The following ARHGEF10L variants were observed in gnomAD, a reference collection of about 807,000 sequenced individuals.
The protein encoded by ARHGEF10L is rho guanine nucleotide exchange factor 10-like protein.
ARHGEF10L carries 69 observed loss-of-function variants against 141.2 expected under a neutral mutation model. The observed-to-expected ratio is 0.49, with a 90% confidence interval of 0.40 to 0.60. The LOEUF is 0.60. Among genes scored for constraint, ARHGEF10L ranks in the 20% least tolerant of loss-of-function variants. ARHGEF10L has a pLI of 0.00. For synonymous variants in ARHGEF10L, 711 were observed against 718.5 expected, an observed-to-expected ratio of 0.99 and a Z score of 0.17; for missense variants, 1,482 against 1,734.3, an observed-to-expected ratio of 0.85 and a Z score of 2.58.
chr1:17,697,762 ATATC>A lies in ARHGEF10L; in HGVS notation c.*386_*389del, dbSNP rs761205769. ...TGCGAGTGTGTGGGCTGGTGTGTGA[ATATC>A]TATAAATAAGTATATATGGTGTATA... On this transcript the variant is annotated 3_prime_UTR_variant, in exon 29 of 29. Coordinates refer to ENST00000361221, the MANE Select transcript of ARHGEF10L (RefSeq NM_018125.4). The surrounding 1 kb of genome is among the most constrained non-coding windows in gnomAD (Gnocchi z 4.8). 1.8e-5 allele frequency: 8 copies of A among 442,160 alleles called. No individual in the cohort carries two copies. Among genetic ancestry groups the A allele is most frequent in the South Asian group, 1.1e-4 (7 of 61,676 alleles). The allele number at this position is 442,160 out of a possible 1,614,324, so 27.4% of individuals were successfully genotyped here. A position where few individuals can be genotyped will look rare whatever the true frequency, so the allele number is the denominator to read the frequency against.
chr1:17,577,766 G>A (rs2078283694), intron 1 of ARHGEF10L, among the ~76,000 whole-genome samples: 1 of 152,216 alleles, frequency 6.6e-6, no homozygotes, highest in Non-Finnish European at 1.5e-5. Context: ...TCCTAGTGTG[G>A]TCACCTTGTC....
At position 17,616,094 on chromosome 1, in the gene ARHGEF10L, A is replaced by G. The variant is rs568982657; in HGVS notation, c.727A>G (p.Met243Val). The change falls in exon 9 of 29, where the codon ATG becomes GTG. Residue 243 changes from methionine to valine, a missense_variant and splice_region_variant. Met to Val is a conservative substitution (Grantham distance 21). Transcript: ENST00000361221. The stretch of plus-strand genomic sequence containing the variant: ...GATGAGCCTCTCTACCTTTGCTCAG[A>G]TGACCCAGCTCATGAAGGCCGCCAA... Reference protein sequence around the residue: ...QELKHKYDCKMTQLMKAAKSG... With the variant: ...QELKHKYDCKVTQLMKAAKSG... The G allele has an allele frequency of 3.1e-6, 5 of 1,613,498 alleles. No individual in the cohort carries two copies. In the African/African-American group the frequency reaches 6.7e-5, roughly 22 times the overall value.
chr1:17,632,535 T>A, intron 16 of ARHGEF10L, 69 bp downstream of exon 16: 1 of 1,599,522 alleles, frequency 6.3e-7, no homozygotes, highest in Non-Finnish European at 8.5e-7. Context: ...TACTCCAGTC[T>A]CTTGGCCGGC....
chr1:17,680,055 T>C (rs12742948), intron 26 of ARHGEF10L, among the ~76,000 whole-genome samples: 34,740 of 151,874 alleles, frequency 0.23, 4,694 homozygotes, highest in African/African-American at 0.37. Context: ...AGGTGCACGC[T>C]TCTGCCCCGC....
In ARHGEF10L at chr1:17,691,222, T is replaced by G. The variant is rs372599411; in HGVS notation, c.3184+3475T>G. On this transcript the variant is annotated intron_variant, in intron 27 of 28. Coordinates refer to ENST00000361221, the MANE Select transcript of ARHGEF10L (RefSeq NM_018125.4). ...GTTGAACACTGCCGCATTAAGTCTC[T>G]GTGATAAAATATTTATTCACCATTA... 1.1e-4 allele frequency: 44 copies of G among 411,688 alleles called. No homozygotes were observed. The East Asian group carries it at 2.7e-3, about 26-fold the overall frequency. The allele number at this position is 411,688 out of a possible 1,614,324, so 25.5% of individuals were successfully genotyped here. A position where few individuals can be genotyped will look rare whatever the true frequency, so the allele number is the denominator to read the frequency against.
chr1:17,697,173 C>T lies in ARHGEF10L; in HGVS notation c.3633C>T (p.Tyr1211=), dbSNP rs1184882713. 1.9e-6 allele frequency: 3 copies of T among 1,612,000 alleles called. No individual in the cohort carries two copies. Among genetic ancestry groups the T allele is most frequent in the Admixed American group, 1.7e-5 (1 of 59,990 alleles). ...ACAGCGAGGAGGACGGCTCCATTTA[C>T]GAGATGGCCGACGACCCCGACATCT... ...LEHSEEDGSI[Y]EMADDPDIWV... Residue 1211 remains tyrosine, a synonymous_variant, in exon 29 of 29, where the codon TAC becomes TAT. Coordinates refer to ENST00000361221, the MANE Select transcript of ARHGEF10L (RefSeq NM_018125.4). The surrounding 1 kb of genome is among the most constrained non-coding windows in gnomAD (Gnocchi z 4.8).
chr1:17,669,111 G>T (rs1015340977), intron 26 of ARHGEF10L, among the ~76,000 whole-genome samples: 1 of 152,210 alleles, frequency 6.6e-6, no homozygotes, highest in Non-Finnish European at 1.5e-5. Flanking sequence ...CAGAGGAAGG[G>T]CATTCCTTGC....
Position 17,639,643 on chromosome 1 carries a change from C to A in ARHGEF10L, c.2172-559C>A. 1 of 380,838 alleles carries A rather than the reference C, an allele frequency of 2.6e-6. No homozygotes were observed. Among genetic ancestry groups the A allele is most frequent in the Non-Finnish European group, 5.2e-6 (1 of 192,074 alleles). The allele number at this position is 380,838 out of a possible 1,614,324, so 23.6% of individuals were successfully genotyped here. On this transcript the variant is annotated intron_variant, in intron 20 of 28. Coordinates refer to ENST00000361221, the MANE Select transcript of ARHGEF10L (RefSeq NM_018125.4). The surrounding 1 kb of genome is among the most constrained non-coding windows in gnomAD (Gnocchi z 4.3). ...CCCACCTCCCAAAGGGCTGGGAAGGCCCCCACTGCTCTGAGGTGAGAGGAC... is the reference window on the plus strand; with the variant it reads ...CCCACCTCCCAAAGGGCTGGGAAGGACCCCACTGCTCTGAGGTGAGAGGAC...
Position 17,697,433 on chromosome 1 carries a change from C to T in ARHGEF10L, c.*53C>T, listed in dbSNP as rs1359083695. 3 of 1,531,854 alleles carry T rather than the reference C, an allele frequency of 2.0e-6. No individual in the cohort carries two copies. The highest frequency in any genetic ancestry group is 2.8e-5 in the African/African-American group (2 of 72,702). The allele number at this position is 1,531,854 out of a possible 1,614,324, so 94.9% of individuals were successfully genotyped here. A position where few individuals can be genotyped will look rare whatever the true frequency, so the allele number is the denominator to read the frequency against. On this transcript the variant is annotated 3_prime_UTR_variant, in exon 29 of 29. Transcript: ENST00000361221. This position sits in a 1 kb window ranked among gnomAD's most constrained non-coding sequence, Gnocchi z 4.8. ...AGCTGCAGGCCTGACCAAGGCCACG[C>T]CCGGCTCTCGTGCTCTAGGACCTGC... is the stretch of plus-strand genomic sequence containing the variant.
the ARHGEF10L span, among the ~76,000 whole-genome samples, chr1:17,522,805 G>C: frequency 7.2e-5 from 11 of 152,104 alleles, no homozygotes; most frequent in Admixed American, 6.6e-4. Context: ...CCTGGAAGGT[G>C]AAAGAAGGGT....
intron 26 of ARHGEF10L, among the ~76,000 whole-genome samples, chr1:17,686,320 A>G (rs978662482): frequency 4.6e-5 from 7 of 152,038 alleles, no homozygotes; most frequent in Admixed American, 2.0e-4. Context: ...GTGTCCATCC[A>G]TTCATTTTTT....
At chr1:17,664,146 G>A (rs563500750) in intron 25 of ARHGEF10L, among the ~76,000 whole-genome samples, 28 of 152,248 alleles carry the variant, frequency 1.8e-4, no homozygotes, top group Admixed American at 1.6e-3. Flanking sequence ...GCATGTGTGC[G>A]GAATGAATGA....
rs1375836260 is a variant in ARHGEF10L at position 17,595,112 on chromosome 1, C to T, written c.257+6633C>T. 2.0e-5 allele frequency among the ~76,000 whole-genome samples: 3 copies of T among 151,944 alleles called. No individual in the cohort carries two copies. The East Asian group carries it at 5.8e-4, about 29-fold the overall frequency. Reference sequence around the variant, plus strand: ...TGATAGACTAAAAGCAACTTTTAATCCTACCATGATGTGTTTCTGTCCAGC... The same window carrying T: ...TGATAGACTAAAAGCAACTTTTAATTCTACCATGATGTGTTTCTGTCCAGC... On this transcript the variant is annotated intron_variant, in intron 4 of 28. Coordinates refer to ENST00000361221, the MANE Select transcript of ARHGEF10L (RefSeq NM_018125.4).
the ARHGEF10L span, among the ~76,000 whole-genome samples, chr1:17,519,627 A>G: frequency 1.3e-5 from 2 of 152,002 alleles, no homozygotes; most frequent in Non-Finnish European, 2.9e-5. Flanking sequence ...ATGAAAAAAA[A>G]GGAGGAAACT....
intron 15 of ARHGEF10L, among the ~76,000 whole-genome samples, chr1:17,629,790 G>A (rs1487130356): frequency 2.0e-5 from 3 of 152,188 alleles, no homozygotes; most frequent in Non-Finnish European, 4.4e-5. Flanking sequence ...TGGCCTTTGC[G>A]CTCAGGAATC....
chr1:17,542,882 T>C (rs1342575179), intron 1 of ARHGEF10L, among the ~76,000 whole-genome samples: 1 of 152,318 alleles, frequency 6.6e-6, no homozygotes, highest in East Asian at 1.9e-4. Flanking sequence ...TGCTTTCTTC[T>C]GCACAACTGT....
intron 25 of ARHGEF10L, among the ~76,000 whole-genome samples, chr1:17,664,122 A>G (rs953777349): frequency 6.6e-6 from 1 of 152,036 alleles, no homozygotes; most frequent in African/African-American, 2.4e-5. Flanking sequence ...GCATGGGTGG[A>G]GTAGGTGCTT....
chr1:17,687,569 A>G lies in ARHGEF10L; in HGVS notation c.3010-4A>G, dbSNP rs368121384. The stretch of plus-strand genomic sequence containing the variant: ...GTATCGACACTCCTCCCTTTGTGCC[A>G]CAGCAAAGCTTCGAGGCGCACCAGG... On this transcript the variant is annotated splice_polypyrimidine_tract_variant and splice_region_variant and intron_variant, in intron 26 of 28. Coordinates refer to ENST00000361221, the MANE Select transcript of ARHGEF10L (RefSeq NM_018125.4). 52 of 1,612,648 alleles carry G rather than the reference A, an allele frequency of 3.2e-5. No homozygotes were observed. The highest frequency in any genetic ancestry group is 4.0e-5 in the African/African-American group (3 of 74,892).
chr1:17,649,811 C>T (rs567843476), intron 22 of ARHGEF10L, among the ~76,000 whole-genome samples: 4 of 152,142 alleles, frequency 2.6e-5, no homozygotes, highest in African/African-American at 9.6e-5. Context: ...AACTGAATGG[C>T]GAGAAGGATT....
Sources: gnomAD v4.1 joint callset for allele counts (sites outside exome capture counted in the v4.1 genomes callset) on GRCh38, gnomAD v4.1.1 for gene constraint, Gnocchi (gnomAD v3.1) non-coding constraint, MANE v1.5 for transcripts, NCBI Gene and HGNC (gene_info 2026-07-23, HGNC 2026-07-21) for gene names.